The following DAGLB variants were observed in gnomAD, a reference collection of about 807,000 sequenced individuals.
The protein encoded by DAGLB is diacylglycerol lipase beta, also known as diacylglycerol lipase-beta.
DAGLB carries 66 observed loss-of-function variants against 72.1 expected under a neutral mutation model. The ratio of observed to expected loss-of-function variants is 0.92; its 90% CI spans 0.75 to 1.12. The LOEUF (loss-of-function observed/expected upper bound fraction) is 1.12. Among genes scored for constraint, DAGLB ranks in the 50% most tolerant of loss-of-function variants. DAGLB has a pLI of 0.00. For synonymous variants in DAGLB, 414 were observed against 359.5 expected, an observed-to-expected ratio of 1.15 and a Z score of -1.71; for missense variants, 1,065 against 884.9, an observed-to-expected ratio of 1.20 and a Z score of -2.58.
intron 6 of DAGLB, among the ~76,000 whole-genome samples, chr7:6,429,641 G>A (rs1486660750): frequency 1.3e-5 from 2 of 151,996 alleles, no homozygotes; most frequent in Admixed American, 6.6e-5. Context: ...GGTGGCTGAC[G>A]CCTGTAATCT....
At chr7:6,416,972 C>G in intron 9 of DAGLB, 51 bp from the exon 10 acceptor site, 1 of 1,594,256 alleles carries the variant, frequency 6.3e-7, no homozygotes, top group Non-Finnish European at 8.6e-7. Flanking sequence ...CAAGGCAGGC[C>G]CAGCAGAGAC....
intron 2 of DAGLB, 47 bp downstream of exon 2, chr7:6,445,906 T>C: frequency 6.5e-7 from 1 of 1,535,520 alleles, no homozygotes; most frequent in Non-Finnish European, 8.8e-7. Context: ...TATATCTCAA[T>C]AAAGCTATAA....
rs1019606213 is a variant in DAGLB at position 6,427,383 on chromosome 7, C to T, written c.930-1269G>A. Reference sequence around the variant, plus strand: ...AAAGATATCAGGGCCAGGAGACTGACACCCATGATGCCAGCACTTTGGGAG... The same window carrying T: ...AAAGATATCAGGGCCAGGAGACTGATACCCATGATGCCAGCACTTTGGGAG... On this transcript the variant is annotated intron_variant, in intron 6 of 14. Coordinates refer to ENST00000297056, the MANE Select transcript of DAGLB (RefSeq NM_139179.4). Among the ~76,000 whole-genome samples, 5 of 152,152 alleles carry T rather than the reference C, an allele frequency of 3.3e-5. 1 individual carries two copies. The highest frequency in any genetic ancestry group is 1.2e-4 in the African/African-American group (5 of 41,452).
chr7:6,422,071 TCA>T (rs1468250609), intron 8 of DAGLB: 3 of 559,010 alleles, frequency 5.4e-6, no homozygotes, highest in Non-Finnish European at 1.0e-5. Flanking sequence ...GCCTTCCCCA[TCA>T]CACACACGTA....
At chr7:6,430,250 C>CATATACATATATATATATATATATAT (rs1491373912) in intron 6 of DAGLB, among the ~76,000 whole-genome samples, 11 of 45,746 alleles carry the variant, frequency 2.4e-4, no homozygotes, top group African/African-American at 1.0e-3. Flanking sequence ...AATACATGTG[C>CATATACATATATATATATATATATAT]ATATATATAT....
At chr7:6,427,249 G>A (rs1484156665) in intron 6 of DAGLB, among the ~76,000 whole-genome samples, 2 of 152,196 alleles carry the variant, frequency 1.3e-5, no homozygotes, top group South Asian at 2.1e-4. Flanking sequence ...CTTAGTAATA[G>A]GGGACTGAGC....
At chr7:6,417,815 G>C (rs1013665752) in intron 9 of DAGLB, 2 of 152,042 alleles carry the variant, frequency 1.3e-5, no homozygotes, top group African/African-American at 2.4e-5. Flanking sequence ...TGAGTTTTAG[G>C]GTGGTCAGGT....
intron 9 of DAGLB, 113 bp from the exon 10 acceptor site, chr7:6,417,034 G>C (rs1376235601): frequency 7.2e-6 from 9 of 1,247,900 alleles, no homozygotes; most frequent in African/African-American, 6.0e-5. Context: ...CCTGGGATCT[G>C]AGACTGCAGA....
chr7:6,429,358 T>C (rs956819503), intron 6 of DAGLB, among the ~76,000 whole-genome samples: 1 of 151,630 alleles, frequency 6.6e-6, no homozygotes, highest in African/African-American at 2.4e-5. Context: ...AATGTCAATA[T>C]CATGAAAGGA....
chr7:6,414,303 C>A (rs1036668892), intron 11 of DAGLB, among the ~76,000 whole-genome samples: 1 of 150,416 alleles, frequency 6.6e-6, no homozygotes, highest in Middle Eastern at 3.4e-3. Context: ...AGCCACCACA[C>A]CCGGCCAATT....
chr7:6,414,176 A>G (rs1783826999), intron 11 of DAGLB, among the ~76,000 whole-genome samples: 1 of 151,262 alleles, frequency 6.6e-6, no homozygotes, highest in South Asian at 2.1e-4. Context: ...ACGCCCAGCT[A>G]ATTTTTTGTA....
At chr7:6,445,070 G>C (rs1784954642) in intron 2 of DAGLB, among the ~76,000 whole-genome samples, 1 of 152,132 alleles carries the variant, frequency 6.6e-6, no homozygotes, top group Non-Finnish European at 1.5e-5. Flanking sequence ...GAAAAGTCTG[G>C]CAGTTCCTCA....
chr7:6,410,677 T>C (rs1294075715), intron 13 of DAGLB, among the ~76,000 whole-genome samples: 1 of 152,172 alleles, frequency 6.6e-6, no homozygotes, highest in African/African-American at 2.4e-5. Context: ...GATATTTCCC[T>C]TAATTATTTT....
At chr7:6,436,649 C>T in intron 2 of DAGLB, 116 bp from the exon 3 acceptor site, 1 of 1,261,802 alleles carries the variant, frequency 7.9e-7, no homozygotes, top group Non-Finnish European at 1.1e-6. Flanking sequence ...CACCCGCCTC[C>T]TGACTTTTTC....
chr7:6,446,062 CT>C lies in DAGLB; in HGVS notation c.137del (p.Lys46SerfsTer14). On this transcript the variant is annotated frameshift_variant, in exon 2 of 15. Coordinates refer to ENST00000297056, the MANE Select transcript of DAGLB (RefSeq NM_139179.4). LOFTEE classifies it high-confidence loss of function. ...ILTLYLMHRG[K>X]LDCAGGALLS... ...GCAAGGCTCCACCAGCACAGTCCAG[CT>C]TTCCTCTGTGCATGAGATACAACGT... 2 of 1,611,748 alleles carry C rather than the reference CT, an allele frequency of 1.2e-6. No homozygotes were observed. Among genetic ancestry groups the C allele is most frequent in the Non-Finnish European group, 1.7e-6 (2 of 1,179,376 alleles).
At chr7:6,444,900 C>T (rs186573460) in intron 2 of DAGLB, among the ~76,000 whole-genome samples, 77 of 152,164 alleles carry the variant, frequency 5.1e-4, no homozygotes, top group African/African-American at 1.4e-3. Context: ...AGTGTGACTC[C>T]GTCTCAAAAA....
chr7:6,411,597 G>A (rs1296422208), intron 13 of DAGLB, among the ~76,000 whole-genome samples: 1 of 152,158 alleles, frequency 6.6e-6, no homozygotes, highest in Non-Finnish European at 1.5e-5. Context: ...CTCCAGCCTG[G>A]GTGACAAAGC....
chr7:6,416,927 A>G lies in DAGLB; in HGVS notation c.1219-6T>C. The stretch of plus-strand genomic sequence containing the variant: ...CTGGCAGCTTGAGAAATACCCTAAA[A>G]ACACAGACAAAGAAGGTGGCCGTTA... On this transcript the variant is annotated splice_region_variant and splice_polypyrimidine_tract_variant and intron_variant, in intron 9 of 14. Coordinates refer to ENST00000297056, the MANE Select transcript of DAGLB (RefSeq NM_139179.4). 6.2e-7 allele frequency: 1 copy of G among 1,614,088 alleles called. No individual in the cohort carries two copies. The highest frequency in any genetic ancestry group is 8.5e-7 in the Non-Finnish European group (1 of 1,179,996).
intron 8 of DAGLB, among the ~76,000 whole-genome samples, chr7:6,423,423 A>G (rs908623214): frequency 2.0e-5 from 3 of 148,352 alleles, no homozygotes; most frequent in African/African-American, 5.2e-5. Flanking sequence ...GAAACCACAG[A>G]CGACGCCACT....
Sources: allele counts gnomAD v4.1 joint callset (sites outside exome capture counted in the v4.1 genomes callset), GRCh38; gene constraint gnomAD v4.1.1; transcripts MANE v1.5; gene names NCBI Gene and HGNC (gene_info 2026-07-23, HGNC 2026-07-21).